Variants in CNOT1 observed in about 807,000 individuals in gnomAD.
The protein encoded by CNOT1 is CCR4-NOT transcription complex subunit 1.
In CNOT1, 15 loss-of-function variants were observed where a neutral mutation model predicts 273.8. That is an observed-to-expected ratio of 0.05 (90% CI 0.04 to 0.08). CNOT1 has a LOEUF of 0.08. Among genes scored for constraint, CNOT1 ranks in the 10% least tolerant of loss-of-function variants. The probability of loss-of-function intolerance (pLI) is 1.00; values close to 1 mark genes in which losing one functional copy is unlikely to be tolerated. For missense variants in CNOT1, 1,644 were observed against 2,912.2 expected (o/e 0.56, Z 10.02); for synonymous variants, 1,022 against 1,005.5 (o/e 1.02, Z -0.31).
At chr16:58,585,269 C>CT (rs1462854490) in intron 8 of CNOT1, 69 bp downstream of exon 8, 34 of 1,582,790 alleles carry the variant, frequency 2.1e-5, no homozygotes, top group South Asian at 1.8e-4. Context: ...ATTTTAGAGA[C>CT]TTTTTTTAAA....
At chr16:58,584,840 C>T (rs2041781361) in intron 8 of CNOT1, among the ~76,000 whole-genome samples, 1 of 151,978 alleles carries the variant, frequency 6.6e-6, no homozygotes, top group African/African-American at 2.4e-5. Flanking sequence ...ATTAATAATC[C>T]AGTGTATCAC....
Position 58,525,301 on chromosome 16 carries a change from T to C in CNOT1, c.6662A>G (p.Tyr2221Cys). 6.2e-7 allele frequency: 1 copy of C among 1,613,904 alleles called. No homozygotes were observed. The highest frequency in any genetic ancestry group is 8.5e-7 in the Non-Finnish European group (1 of 1,180,040). ...GTGCGCAATGGCCTGAGTCCCGACA[T>C]AGAGCACCAGTGCATTGATGAGCTG... ...NLQLINALVL[Y>C]VGTQAIAHIH... Residue 2221 changes from tyrosine (Y) to cysteine (C), a missense_variant, in exon 46 of 49, where the codon TAT (tyrosine) becomes TGT (cysteine). Physicochemically the swap from Tyr to Cys is radical, Grantham distance 194 (BLOSUM62 -2). Transcript: ENST00000317147.
At chr16:58,613,189 G>A (rs1296651398) in intron 1 of CNOT1, among the ~76,000 whole-genome samples, 3 of 151,944 alleles carry the variant, frequency 2.0e-5, no homozygotes, top group Admixed American at 6.6e-5. Context: ...GCGCCAACAC[G>A]CCCAGCTAAT....
intron 16 of CNOT1, among the ~76,000 whole-genome samples, chr16:58,569,131 T>G (rs1422822318): frequency 6.6e-6 from 1 of 152,206 alleles, no homozygotes; most frequent in Non-Finnish European, 1.5e-5. Context: ...TTCATTTTAT[T>G]TTGGTTTTTG....
intron 31 of CNOT1, chr16:58,543,286 A>G: frequency 6.5e-7 from 1 of 1,546,782 alleles, no homozygotes; most frequent in Non-Finnish European, 8.7e-7. Flanking sequence ...AACAGCTTTC[A>G]TCCTTCCTGG....
rs2039979310 is a variant in CNOT1, at chr16:58,538,270, G to C, written c.5136-4C>G. ...ATCTCGACATTCAATTAGGCACCTA[G>C]AAAAAGTTCAATATCTTTACTCATA... On this transcript the variant is annotated splice_polypyrimidine_tract_variant and splice_region_variant and intron_variant, in intron 36 of 48. Coordinates refer to ENST00000317147, the MANE Select transcript of CNOT1 (RefSeq NM_016284.5). The C allele has an allele frequency of 8.7e-7, 1 of 1,150,444 alleles. No individual in the cohort carries two copies. The highest frequency in any genetic ancestry group is 1.5e-5 in the African/African-American group (1 of 65,842). 71.3% of individuals were successfully genotyped at this position (1,150,444 alleles called of 1,614,324 possible). A position where few individuals can be genotyped will look rare whatever the true frequency, so the allele number is the denominator to read the frequency against.
At chr16:58,540,046 T>G (rs1302620535) in intron 34 of CNOT1, 87 bp from the exon 35 acceptor site, 1 of 1,300,522 alleles carries the variant, frequency 7.7e-7, no homozygotes, top group East Asian at 2.4e-5. Flanking sequence ...GGTCTACTAG[T>G]ATGTTTACTC....
intron 10 of CNOT1, 78 bp from the exon 11 acceptor site, chr16:58,581,593 T>C: frequency 6.9e-7 from 1 of 1,458,008 alleles, no homozygotes; most frequent in Non-Finnish European, 9.0e-7. Context: ...CCAAATTAAA[T>C]CTGAAATTCA....
intron 12 of CNOT1, among the ~76,000 whole-genome samples, chr16:58,579,567 A>G (rs979791583): frequency 6.6e-6 from 1 of 152,184 alleles, no homozygotes; most frequent in East Asian, 1.9e-4. Flanking sequence ...TTTCAAATCT[A>G]ATGTTGGCTA....
In CNOT1 at chr16:58,625,945, T is replaced by C. The variant is rs142594960; in HGVS notation, c.-175+3783A>G. On this transcript the variant is annotated intron_variant, in intron 1 of 48. Transcript: ENST00000317147. ...AACTTTCAAAGATTCATCTTTAAAATTGTGAGCAAACAGAAAAGGAATTGC... is the reference window on the plus strand; with the variant it reads ...AACTTTCAAAGATTCATCTTTAAAACTGTGAGCAAACAGAAAAGGAATTGC... 1.5e-4 allele frequency among the ~76,000 whole-genome samples: 22 copies of C among 151,630 alleles called. No individual in the cohort carries two copies. In the East Asian group the frequency reaches 2.5e-3, roughly 17 times the overall value.
chr16:58,584,408 G>A (rs1414378218), intron 8 of CNOT1, among the ~76,000 whole-genome samples: 1 of 151,646 alleles, frequency 6.6e-6, no homozygotes, highest in Non-Finnish European at 1.5e-5. Context: ...TTGGCTCACT[G>A]CAATCTCCAC....
intron 12 of CNOT1, among the ~76,000 whole-genome samples, chr16:58,579,231 G>A (rs972218309): frequency 4.6e-5 from 7 of 152,132 alleles, no homozygotes; most frequent in Admixed American, 2.0e-4. Context: ...ATAACATGGG[G>A]TAGACTAGAG....
intron 44 of CNOT1, among the ~76,000 whole-genome samples, chr16:58,526,753 T>C (rs1597395768): frequency 6.8e-6 from 1 of 147,782 alleles, no homozygotes; most frequent in African/African-American, 2.5e-5. Context: ...GAGGCAGAGG[T>C]TGCAGTGAGC....
intron 16 of CNOT1, among the ~76,000 whole-genome samples, chr16:58,569,601 CTG>C (rs1421083906): frequency 6.7e-6 from 1 of 148,790 alleles, no homozygotes; most frequent in Middle Eastern, 3.2e-3. Context: ...AGTACAGTAA[CTG>C]TAATAAAGTT....
At chr16:58,603,817 T>C (rs1165106379) in intron 1 of CNOT1, among the ~76,000 whole-genome samples, 1 of 152,170 alleles carries the variant, frequency 6.6e-6, no homozygotes, top group African/African-American at 2.4e-5. Flanking sequence ...TATGCAAAAC[T>C]GTAATCCCCA....
rs777287930 is a variant in CNOT1 at position 58,551,822 on chromosome 16, A to T, written c.2971-3T>A. ...GACTGCTGTCCATACTCAATATACT[A>T]AAAGGGTAGGGAGAGGAAAAAGAGT... On this transcript the variant is annotated splice_polypyrimidine_tract_variant and splice_region_variant and intron_variant, in intron 22 of 48. Coordinates refer to ENST00000317147, the MANE Select transcript of CNOT1 (RefSeq NM_016284.5). The T allele has an allele frequency of 6.2e-7, 1 of 1,613,930 alleles. No homozygotes were observed. The highest frequency in any genetic ancestry group is 8.5e-7 in the Non-Finnish European group (1 of 1,179,872).
intron 1 of CNOT1, among the ~76,000 whole-genome samples, chr16:58,604,991 C>T (rs2042620391): frequency 6.6e-6 from 1 of 151,772 alleles, no homozygotes; most frequent in Non-Finnish European, 1.5e-5. Context: ...AAAAAAGTAG[C>T]TGGGCGTGGT....
In CNOT1 at chr16:58,585,389, T is replaced by C. The variant is rs572877444; in HGVS notation, c.755A>G (p.Glu252Gly). Residue 252 changes from glutamate (E) to glycine (G), a missense_variant, in exon 8 of 49, where the codon GAG becomes GGG. By Grantham distance (98) the Glu-to-Gly change is moderately conservative. Coordinates refer to ENST00000317147, the MANE Select transcript of CNOT1 (RefSeq NM_016284.5). ...TTGCATGAAATCAGCCAAAGAGCTC[T>C]CCATCATGGTTTTAGCTACCCCTCC... Reference protein sequence around the residue: ...DSGGVAKTMMESSLADFMQEV... With the variant: ...DSGGVAKTMMGSSLADFMQEV... The C allele has an allele frequency of 3.1e-6, 5 of 1,613,912 alleles. No individual in the cohort carries two copies. The highest frequency in any genetic ancestry group is 1.3e-5 in the African/African-American group (1 of 75,040).
intron 31 of CNOT1, chr16:58,543,350 T>C: frequency 6.5e-7 from 1 of 1,548,768 alleles, no homozygotes; most frequent in Non-Finnish European, 8.7e-7. Flanking sequence ...TCTTAATTTA[T>C]TTAAACCAAC....
Sources: allele counts gnomAD v4.1 joint callset (sites outside exome capture counted in the v4.1 genomes callset), GRCh38; gene constraint gnomAD v4.1.1; transcripts MANE v1.5; gene names NCBI Gene and HGNC (gene_info 2026-07-23, HGNC 2026-07-21).